The following ELF1 variants were observed in gnomAD, a reference collection of about 807,000 sequenced individuals.
ELF1 encodes the protein ETS-related transcription factor Elf-1.
ELF1 carries 24 observed loss-of-function variants against 59.9 expected under a neutral mutation model. That is an observed-to-expected ratio of 0.40 (90% confidence interval 0.29 to 0.56). The LOEUF (loss-of-function observed/expected upper bound fraction) is 0.56. Ranked by LOEUF, ELF1 falls within the 20% of genes least tolerant of loss-of-function variation. ELF1 has a pLI of 0.44. For missense variants in ELF1, 627 were observed against 742.2 expected (o/e 0.84, Z 1.80); for synonymous variants, 248 against 266.2 (o/e 0.93, Z 0.67).
chr13:40,935,270 T>C (rs1427202800), intron 8 of ELF1, among the ~76,000 whole-genome samples: 2 of 152,226 alleles, frequency 1.3e-5, no homozygotes, highest in Non-Finnish European at 2.9e-5. Context: ...GTCAACTGTT[T>C]CCTTTGAATT....
chr13:41,052,232 G>A (rs1017976905), intron 1 of ELF1, among the ~76,000 whole-genome samples: 14 of 151,998 alleles, frequency 9.2e-5, no homozygotes, highest in African/African-American at 2.4e-4. Context: ...GAGACACTGC[G>A]CCTGGCCAGA....
intron 1 of ELF1, among the ~76,000 whole-genome samples, chr13:40,983,417 G>T (rs141660028): frequency 6.6e-6 from 1 of 152,092 alleles, no homozygotes; most frequent in African/African-American, 2.4e-5. Context: ...TCACTTAATC[G>T]GTTTCCTAAT....
chr13:40,951,219 G>A, intron 4 of ELF1, 110 bp downstream of exon 4: 1 of 879,616 alleles, frequency 1.1e-6, no homozygotes, highest in Non-Finnish European at 1.6e-6. Flanking sequence ...AAATGTGATT[G>A]TAACAAAAAA....
intron 1 of ELF1, among the ~76,000 whole-genome samples, chr13:41,031,047 C>A (rs1055426347): frequency 1.3e-5 from 2 of 151,378 alleles, no homozygotes; most frequent in African/African-American, 4.9e-5. Context: ...CCTGGGGTCC[C>A]AGCTACTCAA....
At chr13:41,056,303 G>A (rs1429750337) in intron 1 of ELF1, among the ~76,000 whole-genome samples, 1 of 152,162 alleles carries the variant, frequency 6.6e-6, no homozygotes, top group Non-Finnish European at 1.5e-5. Context: ...TAATGTTCTT[G>A]TGATTGAGTA....
chr13:40,986,393 A>G (rs945359103), intron 1 of ELF1, among the ~76,000 whole-genome samples: 3 of 152,262 alleles, frequency 2.0e-5, no homozygotes, highest in African/African-American at 4.8e-5. Flanking sequence ...TACTTGGCAC[A>G]TAACATGCAC....
chr13:40,970,137 T>C (rs575066563), intron 2 of ELF1, among the ~76,000 whole-genome samples: 17 of 152,312 alleles, frequency 1.1e-4, no homozygotes, highest in Middle Eastern at 3.4e-3. Context: ...CATTATCCCA[T>C]CATCCCTTAA....
At chr13:40,990,913 C>T (rs1873819311) in intron 1 of ELF1, among the ~76,000 whole-genome samples, 1 of 150,914 alleles carries the variant, frequency 6.6e-6, no homozygotes, top group South Asian at 2.1e-4. Context: ...GCTAACTCAG[C>T]TAAGTGATCA....
At chr13:40,936,756 G>A (rs1487888501) in intron 8 of ELF1, among the ~76,000 whole-genome samples, 10 of 98,008 alleles carry the variant, frequency 1.0e-4, no homozygotes, top group Middle Eastern at 8.1e-3. Flanking sequence ...GCAAGACTCC[G>A]TCTCAAAAAA....
intron 1 of ELF1, among the ~76,000 whole-genome samples, chr13:40,999,075 G>A (rs556878716): frequency 6.6e-6 from 1 of 152,308 alleles, no homozygotes; most frequent in East Asian, 1.9e-4. Flanking sequence ...TAATTTTAGA[G>A]GCACCTGTGC....
At chr13:40,955,634 A>T in intron 3 of ELF1, among the ~76,000 whole-genome samples, 1 of 75,294 alleles carries the variant, frequency 1.3e-5, no homozygotes, top group Non-Finnish European at 2.9e-5. Flanking sequence ...GGAAGAGAGG[A>T]GCCCCTCTGC....
intron 1 of ELF1, among the ~76,000 whole-genome samples, chr13:41,007,010 A>C (rs1276934249): frequency 6.6e-6 from 1 of 152,160 alleles, no homozygotes; most frequent in African/African-American, 2.4e-5. Context: ...TTAAACATCA[A>C]ACCCTCCTTA....
intron 1 of ELF1, chr13:40,993,354 G>T: frequency 1.7e-6 from 2 of 1,204,734 alleles, no homozygotes; most frequent in African/African-American, 1.5e-5. Context: ...GACCCAATTA[G>T]CCAGTTGCCT....
chr13:40,955,723 C>A (rs866683239), intron 3 of ELF1, among the ~76,000 whole-genome samples: 1 of 103,942 alleles, frequency 9.6e-6, no homozygotes, highest in Non-Finnish European at 2.1e-5. Context: ...GGGAGGGAGG[C>A]GGGGAGGTCA....
intron 8 of ELF1, among the ~76,000 whole-genome samples, chr13:40,936,394 AT>A (rs751381566): frequency 5.9e-5 from 9 of 151,944 alleles, no homozygotes; most frequent in Non-Finnish European, 1.2e-4. Flanking sequence ...GTACTTGGAA[AT>A]TTTCCATATT....
chr13:41,001,068 C>T (rs1242772868), intron 1 of ELF1, among the ~76,000 whole-genome samples: 1 of 134,414 alleles, frequency 7.4e-6, no homozygotes, highest in African/African-American at 2.8e-5. Context: ...CCTCCACCTC[C>T]CGGGTTCAAG....
At chr13:41,048,744 TAA>T (rs944430702) in intron 1 of ELF1, among the ~76,000 whole-genome samples, 3 of 142,324 alleles carry the variant, frequency 2.1e-5, no homozygotes. Context: ...GTTTTTCCTT[TAA>T]AAAAAAAAAA....
At chr13:41,035,848 AACAACAAC>A (rs1566195961) in intron 1 of ELF1, among the ~76,000 whole-genome samples, 4 of 142,538 alleles carry the variant, frequency 2.8e-5, no homozygotes, top group African/African-American at 1.1e-4. Context: ...AAAAAAAAAC[AACAACAAC>A]AACAACAACA....
At chr13:41,006,966 T>C (rs1874796298) in intron 1 of ELF1, among the ~76,000 whole-genome samples, 1 of 152,176 alleles carries the variant, frequency 6.6e-6, no homozygotes, top group African/African-American at 2.4e-5. Context: ...ACATAAAATT[T>C]TGAATAAACA....
Sources: gnomAD v4.1 joint callset for allele counts (sites outside exome capture counted in the v4.1 genomes callset) on GRCh38, gnomAD v4.1.1 for gene constraint, MANE v1.5 for transcripts, NCBI Gene and HGNC (gene_info 2026-07-23, HGNC 2026-07-21) for gene names.